Variants in POLQ observed in about 807,000 individuals in gnomAD.
The protein encoded by POLQ is DNA polymerase theta.
In POLQ, 233 loss-of-function variants were observed where a neutral mutation model predicts 259.2. The ratio of observed to expected loss-of-function variants is 0.90; its 90% CI spans 0.81 to 1.00. POLQ has a LOEUF of 1.00. Among genes scored for constraint, POLQ ranks in the 50% least tolerant of loss-of-function variants. POLQ has a pLI of 0.00. For synonymous variants in POLQ, 1,025 were observed against 1,048.8 expected (o/e 0.98, Z 0.44); for missense variants, 2,871 against 3,051.6 (o/e 0.94, Z 1.39).
intron 9 of POLQ, among the ~76,000 whole-genome samples, chr3:121,514,308 A>G (rs556734862): frequency 1.3e-5 from 2 of 151,324 alleles, no homozygotes; most frequent in South Asian, 4.2e-4. Flanking sequence ...AGCCTGGGCA[A>G]CAAGAGTAAA....
chr3:121,500,751 G>A (rs1328107958), intron 12 of POLQ, among the ~76,000 whole-genome samples: 2 of 151,942 alleles, frequency 1.3e-5, no homozygotes, highest in African/African-American at 4.8e-5. Context: ...ACATACAAAG[G>A]CATCCATACA....
chr3:121,458,298 A>C (rs1489529470), intron 25 of POLQ, among the ~76,000 whole-genome samples: 1 of 152,050 alleles, frequency 6.6e-6, no homozygotes, highest in Non-Finnish European at 1.5e-5. Flanking sequence ...TGACGAGTTA[A>C]TGGGTGCAGC....
intron 9 of POLQ, among the ~76,000 whole-genome samples, chr3:121,512,668 A>C (rs1012102413): frequency 6.6e-6 from 1 of 152,244 alleles, no homozygotes; most frequent in Non-Finnish European, 1.5e-5. Flanking sequence ...AATAAAGTTT[A>C]TATGCCTTTT....
At chr3:121,451,181 CCATTCGTCTAATCT>C (rs1244654154) in intron 25 of POLQ, among the ~76,000 whole-genome samples, 1 of 152,176 alleles carries the variant, frequency 6.6e-6, no homozygotes, top group Non-Finnish European at 1.5e-5. Flanking sequence ...TTCTAGTTAG[CCATTCGTCTAATCT>C]TTTTTCAAGG....
At position 121,542,142 on chromosome 3, in the gene POLQ, G is replaced by GA. The variant is rs770847564; in HGVS notation, c.344-664dup. Among the ~76,000 whole-genome samples, 372 of 122,328 alleles carry GA rather than the reference G, an allele frequency of 3.0e-3. 2 individuals are homozygous for GA. Among genetic ancestry groups the GA allele is most frequent in the African/African-American group, 8.2e-3 (274 of 33,272 alleles). 80.3% of individuals were successfully genotyped at this position (122,328 alleles called of 152,430 possible). A position where few individuals can be genotyped will look rare whatever the true frequency, so the allele number is the denominator to read the frequency against. On this transcript the variant is annotated intron_variant, in intron 2 of 29. Transcript: ENST00000264233. ...CAGTGAGAGACTCCGTCTCAAAAAG[G>GA]AAAAAAAAAAAAAAGAAGTGGAAGG...
intron 9 of POLQ, among the ~76,000 whole-genome samples, chr3:121,518,222 A>T (rs376744033): frequency 6.6e-6 from 1 of 152,250 alleles, no homozygotes; most frequent in Non-Finnish European, 1.5e-5. Flanking sequence ...ATGCCTAAAG[A>T]AAACTTATCA....
intron 12 of POLQ, 112 bp downstream of exon 12, chr3:121,509,449 T>C (rs1376608243): frequency 1.2e-6 from 1 of 844,322 alleles, no homozygotes. Flanking sequence ...AGTACTAACC[T>C]AGGCATGGAA....
Position 121,481,572 on chromosome 3 carries a change from C to T in POLQ, c.6211G>A (p.Asp2071Asn). ...AAAATGCCAGAAACTTGGTTTTTAC[C>T]TTGAAGGTTTTCCTTCTGCAACAAA... The part of the protein sequence containing the change: ...NSLLQKENLQ[D>N]VFRKVEMPSQ... Residue 2071 changes from aspartate (D) to asparagine (N), a missense_variant and splice_region_variant, in exon 19 of 30, where the codon GAT becomes AAT. This residue lies in a region of POLQ where 2,080 missense variants were observed against 2,126.0 expected (regional missense o/e 0.98). Coordinates refer to ENST00000264233, the MANE Select transcript of POLQ (RefSeq NM_199420.4). 6.3e-7 allele frequency: 1 copy of T among 1,585,690 alleles called. No homozygotes were observed. Among genetic ancestry groups the T allele is most frequent in the Non-Finnish European group, 8.6e-7 (1 of 1,164,726 alleles).
rs63110162 is a variant in POLQ, at chr3:121,510,588, T to TA, written c.1612-346dup. ...CGAGACTCCATCTCAAAAAAACAAT[T>TA]AAAAAAAAAAATAAATAAAACATGC... On this transcript the variant is annotated intron_variant, in intron 10 of 29. Transcript: ENST00000264233. Among the ~76,000 whole-genome samples the TA allele has an allele frequency of 9.8e-4, 143 of 146,198 alleles. 1 individual carries two copies. Among genetic ancestry groups the TA allele is most frequent in the Middle Eastern group, 3.5e-3 (1 of 284 alleles).
intron 9 of POLQ, among the ~76,000 whole-genome samples, chr3:121,517,303 G>GT (rs1332863294): frequency 2.6e-5 from 4 of 151,868 alleles, no homozygotes; most frequent in African/African-American, 9.7e-5. Flanking sequence ...TGTAGGTAAA[G>GT]TAAGAGAGAA....
chr3:121,500,278 CA>C (rs1187939050), intron 12 of POLQ, among the ~76,000 whole-genome samples: 833 of 52,866 alleles, frequency 0.016, 2 homozygotes, highest in South Asian at 0.046. Flanking sequence ...GAATATGTCT[CA>C]AAAAAAAAAA....
At chr3:121,491,598 C>T (rs2048069380) in intron 15 of POLQ, among the ~76,000 whole-genome samples, 1 of 152,086 alleles carries the variant, frequency 6.6e-6, no homozygotes, top group South Asian at 2.1e-4. Context: ...ACCTGGAGTT[C>T]ACTGATTGAC....
In POLQ at chr3:121,522,019, T is replaced by C; in HGVS notation, c.1239A>G (p.Val413=). Residue 413 remains valine, a synonymous_variant, in exon 8 of 30, where the codon GTA becomes GTG. Coordinates refer to ENST00000264233, the MANE Select transcript of POLQ (RefSeq NM_199420.4). ...SVLQKTVPWG[V]AFHHAGLTFE... is the part of the protein sequence containing the mutation. ...ATGAAATACCTGCATGATGAAATGC[T>C]ACTCCCCATGGTACAGTTTTCTGTA... 1 of 1,574,028 alleles carries C rather than the reference T, an allele frequency of 6.4e-7. No homozygotes were observed. Among genetic ancestry groups the C allele is most frequent in the African/African-American group, 1.4e-5 (1 of 72,346 alleles).
chr3:121,500,936 G>A (rs1389896471), intron 12 of POLQ, among the ~76,000 whole-genome samples: 1 of 152,072 alleles, frequency 6.6e-6, no homozygotes, highest in Non-Finnish European at 1.5e-5. Context: ...TATTCAAACT[G>A]CTCAAAGAAA....
intron 25 of POLQ, among the ~76,000 whole-genome samples, chr3:121,453,129 A>G (rs1177071289): frequency 6.6e-6 from 1 of 152,212 alleles, no homozygotes; most frequent in Non-Finnish European, 1.5e-5. Context: ...CAGGCAACCA[A>G]GGTCTGGAGT....
chr3:121,476,695 A>G lies in POLQ; in HGVS notation c.6250T>C (p.Leu2084=), dbSNP rs759681040. The change falls in exon 20 of 30, where the codon TTG becomes CTG. Residue 2084 remains leucine, a synonymous_variant. Transcript: ENST00000264233. ...ATTCCATTTAGTTCTAGCAAGGCCA[A>G]GCAGTACTGAGAGGGCATTTCCACC... ...RKVEMPSQYC[L]ALLELNGIGF... is the part of the protein sequence containing the mutation. The G allele has an allele frequency of 1.2e-6, 2 of 1,612,826 alleles. No homozygotes were observed. The highest frequency in any genetic ancestry group is 1.1e-5 in the South Asian group (1 of 90,804).
At position 121,488,367 on chromosome 3, in the gene POLQ, A is replaced by C; in HGVS notation, c.4564T>G (p.Phe1522Val). 6.2e-7 allele frequency: 1 copy of C among 1,613,022 alleles called. No homozygotes were observed. The highest frequency in any genetic ancestry group is 8.5e-7 in the Non-Finnish European group (1 of 1,179,154). Reference protein sequence around the residue: ...PLPSEVTSNHFSDSLCLQEDL... With the variant: ...PLPSEVTSNHVSDSLCLQEDL... Reference sequence around the variant, plus strand: ...TCTTGTAGACACAGAGAATCACTAAAATGGTTTGATGTTACTTCTGAAGGA... The same window carrying C: ...TCTTGTAGACACAGAGAATCACTAACATGGTTTGATGTTACTTCTGAAGGA... Residue 1522 changes from phenylalanine to valine, a missense_variant, in exon 16 of 30, where the codon TTT becomes GTT. Around this residue, in one of 3 missense-constraint regions of POLQ, gnomAD observed 2,080 missense variants for 2,126.0 expected, o/e 0.98. Coordinates refer to ENST00000264233, the MANE Select transcript of POLQ (RefSeq NM_199420.4).
At chr3:121,503,398 A>G (rs559741245) in intron 12 of POLQ, among the ~76,000 whole-genome samples, 2 of 152,358 alleles carry the variant, frequency 1.3e-5, no homozygotes, top group East Asian at 1.9e-4. Flanking sequence ...ATACTAGAAT[A>G]TATTCCCTTC....
chr3:121,502,684 G>A (rs2048180939), intron 12 of POLQ, among the ~76,000 whole-genome samples: 1 of 152,112 alleles, frequency 6.6e-6, no homozygotes, highest in Non-Finnish European at 1.5e-5. Context: ...AAATAAGAAT[G>A]TTAATGAAGC....
Sources: allele counts gnomAD v4.1 joint callset (sites outside exome capture counted in the v4.1 genomes callset), GRCh38; gene constraint gnomAD v4.1.1; regional missense constraint gnomAD v4.1.1; transcripts MANE v1.5; gene names NCBI Gene and HGNC (gene_info 2026-07-23, HGNC 2026-07-21).